The following DMD variants were observed in gnomAD, a reference collection of about 807,000 sequenced individuals.
DMD encodes dystrophin, also known as mutant dystrophin.
DMD carries 63 observed loss-of-function variants against 330.1 expected under a neutral mutation model. That is an observed-to-expected ratio of 0.19 (90% CI 0.16 to 0.24). The LOEUF (loss-of-function observed/expected upper bound fraction) is 0.24. Ranked by LOEUF, DMD falls within the 10% of genes least tolerant of loss-of-function variation. The probability of loss-of-function intolerance (pLI) is 1.00; values close to 1 mark genes in which losing one functional copy is unlikely to be tolerated. For missense variants in DMD, 3,344 were observed against 2,684.1 expected (o/e 1.25, Z -5.43); for synonymous variants, 1,223 against 959.8 (o/e 1.27, Z -5.07).
At position 32,590,651 on chromosome X, in the gene DMD, G is replaced by A. The variant is rs756513462; in HGVS notation, c.1602+5106C>T. On this transcript the variant is annotated intron_variant, in intron 13 of 78. Transcript: ENST00000357033. ...GTTGGCTTCCTCTCCTCCTGCCCTC[G>A]GACATCAGACTCCAGGACTCCAGGT... Among the ~76,000 whole-genome samples the A allele has an allele frequency of 8.1e-5, 9 of 111,669 alleles. No homozygotes were observed. The East Asian group carries it at 1.1e-3, about 14-fold the overall frequency.
intron 44 of DMD, among the ~76,000 whole-genome samples, chrX:32,199,009 C>A (rs377160324): frequency 8.9e-6 from 1 of 111,835 alleles, no homozygotes; most frequent in East Asian, 2.8e-4. Context: ...CAGCGATGTA[C>A]AATAAGGAAA....
chrX:31,232,192 T>C (rs1337665276), intron 63 of DMD, among the ~76,000 whole-genome samples: 1 of 92,618 alleles, frequency 1.1e-5, no homozygotes, highest in Non-Finnish European at 2.1e-5. Flanking sequence ...GGAGGAAGAG[T>C]GGGCACAGAT....
intron 71 of DMD, among the ~76,000 whole-genome samples, chrX:31,174,463 A>G (rs1413197122): frequency 9.0e-6 from 1 of 111,594 alleles, no homozygotes; most frequent in Non-Finnish European, 1.9e-5. Flanking sequence ...TTTTTATAGT[A>G]TCTTTTGGAT....
At chrX:31,960,629 T>C (rs2095294107) in intron 45 of DMD, among the ~76,000 whole-genome samples, 1 of 111,853 alleles carries the variant, frequency 8.9e-6, no homozygotes. Context: ...ATAAAGTTCA[T>C]GGAAGGCCAC....
At chrX:32,566,618 T>C (rs2051744943) in intron 15 of DMD, among the ~76,000 whole-genome samples, 1 of 112,460 alleles carries the variant, frequency 8.9e-6, no homozygotes, top group Admixed American at 9.4e-5. Context: ...TACTTATGTG[T>C]CTTATGAAGC....
intron 63 of DMD, among the ~76,000 whole-genome samples, chrX:31,240,433 C>G (rs1308838107): frequency 1.8e-5 from 2 of 111,187 alleles, no homozygotes; most frequent in Non-Finnish European, 3.8e-5. Context: ...CAATACTATC[C>G]TCTTACAATG....
chrX:32,936,402 G>A (rs921032148), intron 2 of DMD, among the ~76,000 whole-genome samples: 9 of 111,773 alleles, frequency 8.1e-5, no homozygotes, highest in East Asian at 2.8e-4. Flanking sequence ...GTGAGCCACC[G>A]CGCCCAGCTT....
intron 7 of DMD, among the ~76,000 whole-genome samples, chrX:32,778,514 C>T (rs1352809945): frequency 1.8e-5 from 2 of 111,678 alleles, no homozygotes; most frequent in Non-Finnish European, 3.8e-5. Flanking sequence ...TAAAACAAGA[C>T]AAATGTTTTA....
chrX:31,219,741 G>A (rs946772854), intron 64 of DMD, among the ~76,000 whole-genome samples: 5 of 108,197 alleles, frequency 4.6e-5, no homozygotes, highest in Admixed American at 1.0e-4. Context: ...ACATTCCCAC[G>A]AATACTATAT....
chrX:33,227,883 G>A (rs1237663891), intron 1 of DMD, among the ~76,000 whole-genome samples: 3 of 111,256 alleles, frequency 2.7e-5, no homozygotes, highest in Non-Finnish European at 5.7e-5. Flanking sequence ...AAGCCTGAGA[G>A]TCAGAGCCTG....
At chrX:32,781,808 G>A (rs377593593) in intron 7 of DMD, among the ~76,000 whole-genome samples, 25 of 111,305 alleles carry the variant, frequency 2.2e-4, no homozygotes, top group African/African-American at 8.2e-4. Context: ...TAAACATAAG[G>A]AAGAATGCTC....
chrX:32,883,846 A>AAAAAAAAAAAAGAAAAG (rs2084251414), intron 2 of DMD, among the ~76,000 whole-genome samples: 1 of 101,965 alleles, frequency 9.8e-6, no homozygotes, highest in African/African-American at 3.7e-5. Flanking sequence ...AAAAAAAAAA[A>AAAAAAAAAAAAGAAAAG]AAAAAGAAAA....
chrX:32,817,345 C>A lies in DMD; in HGVS notation c.358-705G>T, dbSNP rs1051149146. Among the ~76,000 whole-genome samples the A allele has an allele frequency of 5.4e-5, 6 of 111,808 alleles. No individual in the cohort carries two copies. In the Admixed American group the frequency reaches 5.7e-4, roughly 11 times the overall value. ...ACATATGTAGCCTTGGTTCTATTTT[C>A]ATTACTTGGTTTCCATGTATTTGAT... is the stretch of plus-strand genomic sequence containing the variant. On this transcript the variant is annotated intron_variant, in intron 5 of 78. Coordinates refer to ENST00000357033, the MANE Select transcript of DMD (RefSeq NM_004006.3).
intron 60 of DMD, among the ~76,000 whole-genome samples, chrX:31,382,647 C>T (rs2060238491): frequency 9.0e-6 from 1 of 111,432 alleles, no homozygotes; most frequent in South Asian, 3.8e-4. Flanking sequence ...TTTAGTTTTT[C>T]AATTCATACA....
At chrX:33,092,541 CT>C (rs932151868) in intron 1 of DMD, among the ~76,000 whole-genome samples, 2 of 111,281 alleles carry the variant, frequency 1.8e-5, no homozygotes, top group Non-Finnish European at 3.8e-5. Context: ...TATAATTGGT[CT>C]TATTTTCCGT....
chrX:32,301,088 A>C (rs1390588642), intron 42 of DMD, among the ~76,000 whole-genome samples: 1 of 109,734 alleles, frequency 9.1e-6, no homozygotes, highest in Non-Finnish European at 1.9e-5. Flanking sequence ...ATTTGGTAAT[A>C]TTATGCCCGT....
chrX:32,697,964 G>A lies in DMD; in HGVS notation c.866C>T (p.Thr289Ile), dbSNP rs1238247954. 2 of 1,203,001 alleles carry A rather than the reference G, an allele frequency of 1.7e-6. 1 individual carries two copies. Among genetic ancestry groups the A allele is most frequent in the Middle Eastern group, 4.6e-4 (2 of 4,339 alleles). ...CTTGAATCGAGGCTTAGGGGAAGAAGTTCTCTCATATCCCTGTGCTAGACT... is the reference window on the plus strand; with the variant it reads ...CTTGAATCGAGGCTTAGGGGAAGAAATTCTCTCATATCCCTGTGCTAGACT... Reference protein sequence around the residue: ...TVSLAQGYERTSSPKPRFKSY... With the variant: ...TVSLAQGYERISSPKPRFKSY... Residue 289 changes from threonine (T) to isoleucine (I), a missense_variant, in exon 9 of 79, where the codon ACT becomes ATT. Thr to Ile is a moderately conservative substitution (Grantham distance 89). Coordinates refer to ENST00000357033, the MANE Select transcript of DMD (RefSeq NM_004006.3).
intron 55 of DMD, among the ~76,000 whole-genome samples, chrX:31,573,724 A>T (rs1020566251): frequency 3.6e-5 from 4 of 111,782 alleles, no homozygotes; most frequent in Admixed American, 2.9e-4. Context: ...GATCATATAC[A>T]AATGAAGCAC....
At chrX:32,641,715 A>G (rs891591775) in intron 11 of DMD, among the ~76,000 whole-genome samples, 1 of 110,862 alleles carries the variant, frequency 9.0e-6, no homozygotes. Flanking sequence ...ATGACTAGAC[A>G]AATGTTAATT....
Sources: gnomAD v4.1 joint callset for allele counts (sites outside exome capture counted in the v4.1 genomes callset) on GRCh38, gnomAD v4.1.1 for gene constraint, MANE v1.5 for transcripts, NCBI Gene and HGNC (gene_info 2026-07-23, HGNC 2026-07-21) for gene names.